Variants in IFI27L2 observed in about 807,000 individuals in gnomAD.
IFI27L2 encodes interferon alpha-inducible protein 27-like protein 2.
IFI27L2 carries 8 observed loss-of-function variants against 7.9 expected under a neutral mutation model. The observed-to-expected ratio is 1.02, with a 90% CI of 0.60 to 1.84. The LOEUF (loss-of-function observed/expected upper bound fraction) is 1.84. Ranked by LOEUF, IFI27L2 falls within the 40% of genes most tolerant of loss-of-function variation. IFI27L2 has a pLI of 0.00. For synonymous variants in IFI27L2, 56 were observed against 66.5 expected, an observed-to-expected ratio of 0.84 and a Z score of 0.77; for missense variants, 190 against 165.8, an observed-to-expected ratio of 1.15 and a Z score of -0.80.
chr14:94,128,080 A>G (rs907804287), intron 3 of IFI27L2, 88 bp from the exon 4 acceptor site: 4 of 882,102 alleles, frequency 4.5e-6, no homozygotes, highest in Non-Finnish European at 7.1e-6. Context: ...TGAAAATCCC[A>G]GGGCTCTGCC....
chr14:94,128,609 G>A lies in IFI27L2; in HGVS notation c.104C>T (p.Ala35Val), dbSNP rs200116572. The A allele has an allele frequency of 3.5e-5, 56 of 1,614,080 alleles. No homozygotes were observed. The East Asian group carries it at 1.0e-3, about 29-fold the overall frequency. ...CATCATCTTGGCTGCTATGGAGGAC[G>A]CGGCGATTCCTGCCCCAGTGAAGCC... Reference protein sequence around the residue: ...AMGFTGAGIAASSIAAKMMSA... With the variant: ...AMGFTGAGIAVSSIAAKMMSA... Residue 35 changes from alanine (A) to valine (V), a missense_variant, in exon 3 of 4, where the codon GCG (alanine) becomes GTG (valine). Coordinates refer to ENST00000238609, the MANE Select transcript of IFI27L2 (RefSeq NM_032036.3).
chr14:94,129,530 G>A, intron 1 of IFI27L2, 28 bp downstream of exon 1: 3 of 1,609,906 alleles, frequency 1.9e-6, no homozygotes, highest in Non-Finnish European at 1.7e-6. Context: ...AGCCCAGCCC[G>A]CCAGCCCCCT....
Position 94,127,827 on chromosome 14 carries a change from G to T in IFI27L2, c.365C>A (p.Pro122Gln), listed in dbSNP as rs746286381. Residue 122 changes from proline to glutamine, a missense_variant, in exon 4 of 4, where the codon CCA becomes CAA. Coordinates refer to ENST00000238609, the MANE Select transcript of IFI27L2 (RefSeq NM_032036.3). ...TTCCTCATGTTTCTCTGACTTGAGT[G>T]GGGGTTTTGGAGGTTCACCTTGGGG... ...NVPQGEPPKPPLKSEKHEE is the reference protein window; with the variant it reads ...NVPQGEPPKPQLKSEKHEE The T allele has an allele frequency of 3.2e-5, 51 of 1,613,818 alleles. No individual in the cohort carries two copies. The highest frequency in any genetic ancestry group is 3.9e-5 in the Non-Finnish European group (46 of 1,179,820).
intron 2 of IFI27L2, 67 bp downstream of exon 2, chr14:94,129,195 C>T (rs1887640268): frequency 3.7e-6 from 5 of 1,336,696 alleles, no homozygotes; most frequent in Admixed American, 1.8e-5. Flanking sequence ...CTCATCTCTG[C>T]GTTCTCCCAG....
chr14:94,127,848 T>C lies in IFI27L2; in HGVS notation c.344A>G (p.Gln115Arg), dbSNP rs1887613077. ...KEDEARENVP[Q>R]GEPPKPPLKS... The stretch of plus-strand genomic sequence containing the variant: ...GAGTGGGGGTTTTGGAGGTTCACCT[T>C]GGGGTACATTTTCTCTTGCCTCATC... Residue 115 changes from glutamine (Q) to arginine (R), a missense_variant, in exon 4 of 4, where the codon CAA (glutamine) becomes CGA (arginine). Coordinates refer to ENST00000238609, the MANE Select transcript of IFI27L2 (RefSeq NM_032036.3). 2 of 1,614,050 alleles carry C rather than the reference T, an allele frequency of 1.2e-6. No individual in the cohort carries two copies. Among genetic ancestry groups the C allele is most frequent in the African/African-American group, 2.7e-5 (2 of 74,930 alleles).
intron 3 of IFI27L2, 61 bp downstream of exon 3, chr14:94,128,453 C>T (rs967668413): frequency 7.3e-6 from 11 of 1,514,814 alleles, no homozygotes; most frequent in South Asian, 1.1e-5. Flanking sequence ...GAGCTTCCCT[C>T]GGGCTCAGCC....
At position 94,128,545 on chromosome 14, in the gene IFI27L2, C is replaced by T. The variant is rs1321101350; in HGVS notation, c.168G>A (p.Ala56=). 8.7e-6 allele frequency: 14 copies of T among 1,614,068 alleles called. No homozygotes were observed. The highest frequency in any genetic ancestry group is 2.2e-5 in the East Asian group (1 of 44,896). Residue 56 remains alanine, a synonymous_variant, in exon 3 of 4, where the codon GCG becomes GCA. Coordinates refer to ENST00000238609, the MANE Select transcript of IFI27L2 (RefSeq NM_032036.3). ...AAIANGGGVS[A]GSLVATLQSV... ...ACTGCAGAGTAGCCACCAGGCTCCC[C>T]GCAGAAACACCACCCCCGTTGGCAA...
chr14:94,128,719 AG>A, intron 2 of IFI27L2, 44 bp from the exon 3 acceptor site: 2 of 1,535,998 alleles, frequency 1.3e-6, no homozygotes, highest in Non-Finnish European at 8.9e-7. Context: ...GCTCAGGAGA[AG>A]GGACCCTTCC....
At chr14:94,129,354 A>T in intron 1 of IFI27L2, 63 bp from the exon 2 acceptor site, 2 of 718,402 alleles carry the variant, frequency 2.8e-6, no homozygotes, top group Non-Finnish European at 4.4e-6. Flanking sequence ...AGGAGAGAGA[A>T]GGGCAGAAAG....
At chr14:94,129,206 C>A (rs1887640471) in intron 2 of IFI27L2, 56 bp downstream of exon 2, 6 of 1,445,074 alleles carry the variant, frequency 4.2e-6, no homozygotes, top group Non-Finnish European at 4.8e-6. Flanking sequence ...GTTCTCCCAG[C>A]AGCCCGGGGA....
intron 1 of IFI27L2, 104 bp from the exon 2 acceptor site, chr14:94,129,395 G>A: frequency 9.5e-7 from 1 of 1,057,400 alleles, no homozygotes; most frequent in Non-Finnish European, 1.4e-6. Flanking sequence ...AAGGAGCGGA[G>A]GGAGGAAGGG....
intron 3 of IFI27L2, 45 bp from the exon 4 acceptor site, chr14:94,128,037 C>G (rs1251222884): frequency 7.3e-7 from 1 of 1,370,454 alleles, no homozygotes; most frequent in Non-Finnish European, 1.0e-6. Context: ...GGCAGTGGCC[C>G]AGAAATCCCA....
Position 94,128,987 on chromosome 14 carries a change from A to G in IFI27L2, c.37+275T>C, listed in dbSNP as rs571570796. The G allele has an allele frequency of 1.6e-5, 9 of 572,594 alleles. No homozygotes were observed. The Admixed American group carries it at 1.6e-4, about 10-fold the overall frequency. 35.5% of individuals were successfully genotyped at this position (572,594 alleles called of 1,614,324 possible). A position where few individuals can be genotyped will look rare whatever the true frequency, so the allele number is the denominator to read the frequency against. On this transcript the variant is annotated intron_variant, in intron 2 of 3. Coordinates refer to ENST00000238609, the MANE Select transcript of IFI27L2 (RefSeq NM_032036.3). ...TGTGTGTGTGTGTGTCCACGCATAA[A>G]TGTGAAATAAGCCACGTGGAGTTTA...
chr14:94,128,077 C>G (rs1887617563), intron 3 of IFI27L2, 85 bp from the exon 4 acceptor site: 1 of 905,654 alleles, frequency 1.1e-6, no homozygotes, highest in Non-Finnish European at 1.7e-6. Flanking sequence ...TCCTGAAAAT[C>G]CCAGGGCTCT....
Position 94,128,598 on chromosome 14 carries a change from C to T in IFI27L2, c.115G>A (p.Ala39Thr), listed in dbSNP as rs1887627614. ...TGAGIAASSIAAKMMSAAAIA... is the reference protein window; with the variant it reads ...TGAGIAASSITAKMMSAAAIA... ...GCTGCTGCGGACATCATCTTGGCTG[C>T]TATGGAGGACGCGGCGATTCCTGCC... The change falls in exon 3 of 4, where the codon GCA (alanine) becomes ACA (threonine). Residue 39 changes from alanine (A) to threonine (T), a missense_variant. Transcript: ENST00000238609. 2 of 1,614,162 alleles carry T rather than the reference C, an allele frequency of 1.2e-6. No individual in the cohort carries two copies. The highest frequency in any genetic ancestry group is 1.7e-6 in the Non-Finnish European group (2 of 1,180,004).
intron 1 of IFI27L2, 43 bp downstream of exon 1, chr14:94,129,514 GC>G: frequency 1.3e-6 from 2 of 1,585,562 alleles, no homozygotes; most frequent in Non-Finnish European, 1.7e-6. Context: ...GGGGAAGCCT[GC>G]CCCCAGCCCA....
At chr14:94,128,108 G>C in intron 3 of IFI27L2, 116 bp from the exon 4 acceptor site, 2 of 679,030 alleles carry the variant, frequency 2.9e-6, no homozygotes, top group Non-Finnish European at 5.1e-6. Flanking sequence ...GAAGCTGCTA[G>C]AGGCAACTAA....
Position 94,129,547 on chromosome 14 carries a change from G to A in IFI27L2, c.7+11C>T. On this transcript the variant is annotated intron_variant, in intron 1 of 3. Transcript: ENST00000238609. ...CCCAGCCCGCCAGCCCCCTGGGGAA[G>A]CAAGACTCACTCATCATGGTGAGGC... 1 of 1,613,268 alleles carries A rather than the reference G, an allele frequency of 6.2e-7. No homozygotes were observed. Among genetic ancestry groups the A allele is most frequent in the Non-Finnish European group, 8.5e-7 (1 of 1,179,424 alleles).
intron 2 of IFI27L2, 191 bp from the exon 3 acceptor site, chr14:94,128,866 A>G (rs548849181): frequency 3.3e-6 from 2 of 605,686 alleles, no homozygotes; most frequent in Non-Finnish European, 5.8e-6. Flanking sequence ...ATGTCATAGA[A>G]GGACCAGCCA....
Sources: gnomAD v4.1 joint callset for allele counts on GRCh38, gnomAD v4.1.1 for gene constraint, MANE v1.5 for transcripts, NCBI Gene and HGNC (gene_info 2026-07-23, HGNC 2026-07-21) for gene names.